MED12L: variants seen among roughly 807,000 people sequenced by gnomAD.
MED12L encodes mediator complex subunit 12L.
MED12L carries 60 observed loss-of-function variants against 281.3 expected under a neutral mutation model. The ratio of observed to expected loss-of-function variants is 0.21; its 90% CI spans 0.17 to 0.26. The LOEUF is 0.26. Ranked by LOEUF, MED12L falls within the 10% of genes least tolerant of loss-of-function variation. The pLI is 1.00. For missense variants in MED12L, 2,146 were observed against 2,680.9 expected (o/e 0.80, Z 4.41); for synonymous variants, 974 against 987.2 (o/e 0.99, Z 0.25).
At chr3:151,373,857 A>G (rs1281851314) in intron 27 of MED12L, among the ~76,000 whole-genome samples, 1 of 152,154 alleles carries the variant, frequency 6.6e-6, no homozygotes, top group Non-Finnish European at 1.5e-5. Flanking sequence ...CCTTGGTTCT[A>G]TTTAGCAGAG....
intron 5 of MED12L, among the ~76,000 whole-genome samples, chr3:151,144,210 C>T (rs73016713): frequency 0.023 from 3,553 of 151,960 alleles, 150 homozygotes; most frequent in African/African-American, 0.081. Flanking sequence ...CTGTGGTTGC[C>T]GCATGCCTTA....
chr3:151,163,865 C>T (rs749932563), intron 8 of MED12L, 28 bp from the exon 9 acceptor site: 2 of 1,597,702 alleles, frequency 1.3e-6, no homozygotes, highest in Non-Finnish European at 1.7e-6. Context: ...TTCCTCTGAA[C>T]ATCCAACTTT....
At chr3:151,253,875 G>C (rs1215592925) in intron 16 of MED12L, among the ~76,000 whole-genome samples, 2 of 152,010 alleles carry the variant, frequency 1.3e-5, no homozygotes, top group Non-Finnish European at 2.9e-5. Flanking sequence ...ACTGAAAAAG[G>C]TCTTTCATAT....
At chr3:151,343,594 TA>T (rs2149976195) in intron 16 of MED12L, among the ~76,000 whole-genome samples, 1 of 152,048 alleles carries the variant, frequency 6.6e-6, no homozygotes, top group South Asian at 2.1e-4. Context: ...GAGCAAGTTA[TA>T]GATACTTTAA....
intron 16 of MED12L, among the ~76,000 whole-genome samples, chr3:151,307,454 A>G (rs775228776): frequency 1.8e-4 from 27 of 152,168 alleles, no homozygotes; most frequent in Middle Eastern, 3.4e-3. Context: ...TTTTGCTGGT[A>G]CATGTAGCTT....
intron 2 of MED12L, among the ~76,000 whole-genome samples, chr3:151,107,168 T>C (rs1722180599): frequency 6.6e-6 from 1 of 152,162 alleles, no homozygotes; most frequent in African/African-American, 2.4e-5. Flanking sequence ...GTTATACTTA[T>C]TTGTGTTGTT....
chr3:151,319,815 A>G (rs1310216500), intron 16 of MED12L, among the ~76,000 whole-genome samples: 2 of 152,156 alleles, frequency 1.3e-5, no homozygotes, highest in Admixed American at 6.5e-5. Flanking sequence ...ACTGGCAACA[A>G]ACTAAACCAA....
chr3:151,192,707 C>A, intron 15 of MED12L, 53 bp downstream of exon 15: 1 of 1,099,008 alleles, frequency 9.1e-7, no homozygotes, highest in South Asian at 1.3e-5. Flanking sequence ...CCGTTCCCAT[C>A]CCAGCCTGTC....
intron 39 of MED12L, among the ~76,000 whole-genome samples, chr3:151,398,057 C>T (rs771486345): frequency 2.6e-5 from 4 of 152,156 alleles, no homozygotes; most frequent in Non-Finnish European, 4.4e-5. Flanking sequence ...CTTTCATCTG[C>T]TAAGCACACG....
At chr3:151,241,238 A>G (rs532895175) in intron 16 of MED12L, among the ~76,000 whole-genome samples, 5 of 152,334 alleles carry the variant, frequency 3.3e-5, no homozygotes, top group African/African-American at 1.2e-4. Context: ...AATTGTTGAT[A>G]TTTTACAATT....
At chr3:151,190,202 G>C (rs1177107132) in intron 13 of MED12L, among the ~76,000 whole-genome samples, 1 of 148,640 alleles carries the variant, frequency 6.7e-6, no homozygotes, top group African/African-American at 2.5e-5. Context: ...ATGGAGTTTC[G>C]CTCTTGTCGC....
intron 21 of MED12L, among the ~76,000 whole-genome samples, chr3:151,362,724 A>G (rs1754765820): frequency 6.6e-6 from 1 of 152,182 alleles, no homozygotes; most frequent in Admixed American, 6.6e-5. Context: ...TGAAAAAAAA[A>G]TCTGTTGAAT....
chr3:151,431,918 A>T (rs1477666318), intron 44 of MED12L, among the ~76,000 whole-genome samples: 1 of 152,212 alleles, frequency 6.6e-6, no homozygotes. Context: ...GGGAACATTG[A>T]CTAATTTGCC....
chr3:151,430,445 G>A (rs1021754332), intron 44 of MED12L, 65 bp downstream of exon 44: 15 of 1,602,398 alleles, frequency 9.4e-6, no homozygotes, highest in African/African-American at 6.7e-5. Context: ...CCAGCGAAAC[G>A]TAAAGTGGCG....
chr3:151,117,852 A>C (rs1379332033), intron 3 of MED12L, among the ~76,000 whole-genome samples: 4 of 152,118 alleles, frequency 2.6e-5, no homozygotes, highest in African/African-American at 9.7e-5. Flanking sequence ...GCACTTGGGG[A>C]GGCCGAGGCA....
At chr3:151,199,038 T>C (rs1161615000) in intron 16 of MED12L, 33 of 1,614,086 alleles carry the variant, frequency 2.0e-5, no homozygotes, top group Non-Finnish European at 2.7e-5. Flanking sequence ...CAGCTGTGTG[T>C]CAGCTGAAGA....
chr3:151,156,308 A>C lies in MED12L; in HGVS notation c.704A>C (p.Lys235Thr), dbSNP rs1429770061. 4 of 1,609,452 alleles carry C rather than the reference A, an allele frequency of 2.5e-6. No homozygotes were observed. Among genetic ancestry groups the C allele is most frequent in the Non-Finnish European group, 3.4e-6 (4 of 1,178,204 alleles). ...ATGAAGCAATGGGAATACAACGAAA[A>C]GCTAGCATTTCACATGTTCCAGGTA... ...QAMKQWEYNE[K>T]LAFHMFQEGM... Residue 235 changes from lysine (K) to threonine (T), a missense_variant, in exon 6 of 45, where the codon AAG (lysine) becomes ACG (threonine). Lys to Thr is a moderately conservative substitution (Grantham distance 78, BLOSUM62 -1). Around this residue, in one of 9 missense-constraint regions of MED12L, gnomAD observed 722 missense variants for 861.2 expected, o/e 0.84. Coordinates refer to ENST00000687756, the MANE Select transcript of MED12L (RefSeq NM_001393769.1).
At position 151,163,987 on chromosome 3, in the gene MED12L, A is replaced by G; in HGVS notation, c.1202A>G (p.Gln401Arg). The G allele has an allele frequency of 6.2e-7, 1 of 1,613,764 alleles. No individual in the cohort carries two copies. The highest frequency in any genetic ancestry group is 1.1e-5 in the South Asian group (1 of 91,008). Residue 401 changes from glutamine to arginine, a missense_variant, in exon 9 of 45, where the codon CAG becomes CGG. By Grantham distance (43) the Gln-to-Arg change is conservative (BLOSUM62 1). Transcript: ENST00000687756. ...CCAGGCTCACCCCTGGATCTGCTGC[A>G]GGTGGCCCCGTCCAGCCTCCCCATG... is the stretch of plus-strand genomic sequence containing the variant. Reference protein sequence around the residue: ...ANPGSPLDLLQVAPSSLPMPG... With the variant: ...ANPGSPLDLLRVAPSSLPMPG...
intron 16 of MED12L, among the ~76,000 whole-genome samples, chr3:151,318,902 G>A (rs1748635101): frequency 6.6e-6 from 1 of 152,040 alleles, no homozygotes; most frequent in Non-Finnish European, 1.5e-5. Context: ...ACAGTAGGTG[G>A]CCCCCTTTTT....
Sources: gnomAD v4.1 joint callset for allele counts (sites outside exome capture counted in the v4.1 genomes callset) on GRCh38, gnomAD v4.1.1 for gene constraint, gnomAD v4.1.1 regional missense constraint, MANE v1.5 for transcripts, NCBI Gene and HGNC (gene_info 2026-07-23, HGNC 2026-07-21) for gene names.